Variants in ZNF33B observed in about 807,000 individuals in gnomAD.
The protein encoded by ZNF33B is zinc finger protein 11b (KOX 2).
A neutral mutation model predicts 45.8 loss-of-function variants in ZNF33B; 29 were observed. The ratio of observed to expected loss-of-function variants is 0.63; its 90% CI spans 0.47 to 0.86. ZNF33B has a LOEUF of 0.86. Among genes scored for constraint, ZNF33B ranks in the 40% least tolerant of loss-of-function variants. The probability of loss-of-function intolerance (pLI) is 0.00; values close to 1 mark genes in which losing one functional copy is unlikely to be tolerated. For missense variants in ZNF33B, 831 were observed against 909.9 expected, an observed-to-expected ratio of 0.91 and a Z score of 1.12; for synonymous variants, 305 against 307.8, an observed-to-expected ratio of 0.99 and a Z score of 0.10.
Position 42,594,382 on chromosome 10 carries a change from T to C in ZNF33B, c.568A>G (p.Lys190Glu), listed in dbSNP as rs759967869. The C allele has an allele frequency of 1.2e-6, 2 of 1,613,890 alleles. No individual in the cohort carries two copies. Among genetic ancestry groups the C allele is most frequent in the Non-Finnish European group, 1.7e-6 (2 of 1,179,860 alleles). ...IKHDETHTRE[K>E]NEVLKNRNTL... ...TTCCTATTTTTCAAAACTTCATTTT[T>C]CTCTCGAGTATGAGTTTCATCATGC... The change falls in exon 5 of 5, where the codon AAA becomes GAA. Residue 190 changes from lysine to glutamate, a missense_variant. Lys to Glu is a moderately conservative substitution (Grantham distance 56, BLOSUM62 1). Coordinates refer to ENST00000359467, the MANE Select transcript of ZNF33B (RefSeq NM_006955.3).
intron 4 of ZNF33B, among the ~76,000 whole-genome samples, chr10:42,621,669 T>A (rs1264784908): frequency 3.3e-5 from 5 of 151,986 alleles, no homozygotes; most frequent in Non-Finnish European, 7.4e-5. Flanking sequence ...TCAGGACAAA[T>A]ACATTCAGAA....
chr10:42,607,584 G>C (rs1054401931), intron 4 of ZNF33B, among the ~76,000 whole-genome samples: 2 of 152,074 alleles, frequency 1.3e-5, no homozygotes, highest in African/African-American at 4.8e-5. Context: ...AAAAGGAATA[G>C]AGTATCAAAA....
intron 1 of ZNF33B, among the ~76,000 whole-genome samples, chr10:42,576,498 C>T (rs1836751094): frequency 6.6e-6 from 1 of 152,120 alleles, no homozygotes; most frequent in Non-Finnish European, 1.5e-5. Context: ...AGGGAGCTTG[C>T]TGGGCATGTT....
chr10:42,593,562 TGA>T lies in ZNF33B; in HGVS notation c.1386_1387del (p.Thr464ArgfsTer2). 2 of 1,614,078 alleles carry T rather than the reference TGA, an allele frequency of 1.2e-6. No individual in the cohort carries two copies. The highest frequency in any genetic ancestry group is 1.1e-5 in the South Asian group (1 of 91,082). On this transcript the variant is annotated frameshift_variant, in exon 5 of 5. Transcript: ENST00000359467. LOFTEE classifies it high-confidence loss of function. ...ACATTCAAAAGGTTTCTCACCTGTG[TGA>T]GTTCTCTGGTGTACTGTAAGGTGTG...
chr10:42,637,721 G>A (rs924841331), intron 1 of ZNF33B, among the ~76,000 whole-genome samples: 3 of 152,192 alleles, frequency 2.0e-5, no homozygotes, highest in Non-Finnish European at 4.4e-5. Context: ...GGAGTGCAAT[G>A]GTGCAATCTC....
In ZNF33B at chr10:42,590,138, C is replaced by T. The variant is rs1048836; in HGVS notation, c.*2475G>A. On this transcript the variant is annotated 3_prime_UTR_variant, in exon 5 of 5. Transcript: ENST00000359467. ...AAGGCTTGCATTCCTGATTTGCTAA[C>T]ATTTTAAGGATTTCTGCATCTGTGT... 1 of 152,146 alleles carries T rather than the reference C, an allele frequency of 6.6e-6. No homozygotes were observed. The highest frequency in any genetic ancestry group is 2.4e-5 in the African/African-American group (1 of 41,452). 9.4% of individuals were successfully genotyped at this position (152,146 alleles called of 1,614,324 possible). A position where few individuals can be genotyped will look rare whatever the true frequency, so the allele number is the denominator to read the frequency against.
At chr10:42,638,421 C>A in intron 1 of ZNF33B, 53 bp downstream of exon 1, 1 of 355,536 alleles carries the variant, frequency 2.8e-6, no homozygotes, top group South Asian at 2.2e-5. Flanking sequence ...CTGCCTGCTC[C>A]TGGAGTCGCG....
downstream of ZNF33B, among the ~76,000 whole-genome samples, chr10:42,585,050 C>T (rs756111205): frequency 6.6e-6 from 1 of 152,210 alleles, no homozygotes; most frequent in African/African-American, 2.4e-5. Flanking sequence ...GTGTGACCCA[C>T]AGGAGGATAA....
At chr10:42,586,105 C>G (rs1245431392), downstream of ZNF33B, among the ~76,000 whole-genome samples, 32 of 152,048 alleles carry the variant, frequency 2.1e-4, no homozygotes, top group Non-Finnish European at 2.9e-5. Context: ...TACTCCAAAC[C>G]CACTGTTTAC....
chr10:42,606,727 C>T (rs1238632778), intron 4 of ZNF33B, among the ~76,000 whole-genome samples: 1 of 151,002 alleles, frequency 6.6e-6, no homozygotes, highest in East Asian at 1.9e-4. Flanking sequence ...GATGGGTCAA[C>T]CACCATGGCA....
intron 4 of ZNF33B, among the ~76,000 whole-genome samples, chr10:42,630,453 G>A (rs1456449309): frequency 6.6e-6 from 1 of 152,094 alleles, no homozygotes; most frequent in Non-Finnish European, 1.5e-5. Flanking sequence ...TAACTTATTG[G>A]ATGTTACTTC....
chr10:42,625,940 G>A (rs1430513841), intron 4 of ZNF33B, among the ~76,000 whole-genome samples: 1 of 152,184 alleles, frequency 6.6e-6, no homozygotes, highest in Non-Finnish European at 1.5e-5. Flanking sequence ...AGAGTGGTGA[G>A]AGCAAACATC....
At chr10:42,626,454 C>T (rs1371712553) in intron 4 of ZNF33B, among the ~76,000 whole-genome samples, 4 of 152,104 alleles carry the variant, frequency 2.6e-5, no homozygotes, top group Non-Finnish European at 5.9e-5. Flanking sequence ...CTTCGGGAGG[C>T]TGAGGTGGGC....
intron 4 of ZNF33B, among the ~76,000 whole-genome samples, chr10:42,631,003 C>A (rs1378857765): frequency 6.6e-6 from 1 of 152,142 alleles, no homozygotes; most frequent in Admixed American, 6.5e-5. Context: ...TGAAAAGAGG[C>A]AGAATCCTCA....
chr10:42,581,863 T>G (rs557636475), intron 1 of ZNF33B: 1 of 152,204 alleles, frequency 6.6e-6, no homozygotes, highest in Admixed American at 6.5e-5. Context: ...GCCTGTAATC[T>G]CAGCACTTTA....
At chr10:42,622,238 A>G (rs1404532976) in intron 4 of ZNF33B, among the ~76,000 whole-genome samples, 3 of 152,232 alleles carry the variant, frequency 2.0e-5, no homozygotes, top group African/African-American at 4.8e-5. Flanking sequence ...GAGAGATGTC[A>G]TATTTTTAAA....
rs939756806 is a variant in ZNF33B at position 42,589,697 on chromosome 10, T to G, written c.*2916A>C. ...ATAATTGCTTATTAATGTCAGCAGG[T>G]TTTTGTTATTTAGAATTTTCTACAA... is the stretch of plus-strand genomic sequence containing the variant. On this transcript the variant is annotated 3_prime_UTR_variant, in exon 5 of 5. Coordinates refer to ENST00000359467, the MANE Select transcript of ZNF33B (RefSeq NM_006955.3). 6.6e-6 allele frequency: 1 copy of G among 152,120 alleles called. No homozygotes were observed. Among genetic ancestry groups the G allele is most frequent in the African/African-American group, 2.4e-5 (1 of 41,344 alleles). The allele number at this position is 152,120 out of a possible 1,614,324, so 9.4% of individuals were successfully genotyped here.
chr10:42,621,795 A>G (rs187868392), intron 4 of ZNF33B, among the ~76,000 whole-genome samples: 6 of 152,074 alleles, frequency 3.9e-5, no homozygotes, highest in African/African-American at 1.4e-4. Context: ...CAGGAAGAAG[A>G]CAAAAATACC....
At chr10:42,621,443 T>A (rs556955237) in intron 4 of ZNF33B, among the ~76,000 whole-genome samples, 5 of 151,802 alleles carry the variant, frequency 3.3e-5, no homozygotes, top group Non-Finnish European at 7.4e-5. Flanking sequence ...TAAAATATAT[T>A]TAATGGTATA....
Sources: allele counts gnomAD v4.1 joint callset (sites outside exome capture counted in the v4.1 genomes callset), GRCh38; gene constraint gnomAD v4.1.1; transcripts MANE v1.5; gene names NCBI Gene and HGNC (gene_info 2026-07-23, HGNC 2026-07-21).